The following TOX variants were observed in gnomAD, a reference collection of about 807,000 sequenced individuals.
TOX encodes the protein thymocyte selection-associated high mobility group box protein TOX.
Under a neutral mutation model 53.7 loss-of-function variants are expected in TOX, and 11 were observed. The observed-to-expected ratio is 0.20, with a 90% CI of 0.13 to 0.34. The LOEUF is 0.34. Ranked by LOEUF, TOX falls within the 10% of genes least tolerant of loss-of-function variation. The probability of loss-of-function intolerance (pLI) is 1.00; values close to 1 mark genes in which losing one functional copy is unlikely to be tolerated. For synonymous variants in TOX, 225 were observed against 245.3 expected (o/e 0.92, Z 0.77); for missense variants, 570 against 664.6 (o/e 0.86, Z 1.56).
intron 6 of TOX, among the ~76,000 whole-genome samples, chr8:58,820,894 A>G (rs891427558): frequency 3.3e-5 from 5 of 152,214 alleles, no homozygotes; most frequent in African/African-American, 1.2e-4. Flanking sequence ...CCATTGCTCT[A>G]TAGTTATACA....
At chr8:59,006,140 A>T (rs1250888995) in intron 1 of TOX, among the ~76,000 whole-genome samples, 2 of 152,242 alleles carry the variant, frequency 1.3e-5, no homozygotes, top group Non-Finnish European at 2.9e-5. Context: ...GTCAGAAAAC[A>T]AATATTCTCT....
rs12678687 is a variant in TOX at position 58,871,037 on chromosome 8, A to G, written c.412-19232T>C. Reference sequence around the variant, plus strand: ...AATCAGTAAAAAAAAGTCCTTCAATACGTAAATGGATGAACAGAGTGTGGT... The same window carrying G: ...AATCAGTAAAAAAAAGTCCTTCAATGCGTAAATGGATGAACAGAGTGTGGT... On this transcript the variant is annotated intron_variant, in intron 3 of 8. Coordinates refer to ENST00000361421, the MANE Select transcript of TOX (RefSeq NM_014729.3). Among the ~76,000 whole-genome samples, 1,658 of 152,178 alleles carry G rather than the reference A, an allele frequency of 0.011. 73 individuals are homozygous for G. In the East Asian group the frequency reaches 0.12, roughly 11 times the overall value.
At chr8:58,842,242 A>T (rs917785468) in intron 4 of TOX, among the ~76,000 whole-genome samples, 32 of 152,162 alleles carry the variant, frequency 2.1e-4, no homozygotes, top group Non-Finnish European at 4.6e-4. Context: ...GTGAGTCAGC[A>T]GACTGCGTGG....
rs1809958167 is a variant in TOX, at chr8:58,805,463, C to T, written c.*2284G>A. The T allele has an allele frequency of 6.6e-6, 1 of 152,370 alleles. No homozygotes were observed. Among genetic ancestry groups the T allele is most frequent in the South Asian group, 2.1e-4 (1 of 4,826 alleles). The allele number at this position is 152,370 out of a possible 1,614,324, so 9.4% of individuals were successfully genotyped here. The stretch of plus-strand genomic sequence containing the variant: ...TTGATGATGTGTTTTCTTTTATTTA[C>T]ATTTGTTTTTACTGTATTTGGTATT... On this transcript the variant is annotated 3_prime_UTR_variant, in exon 9 of 9. Coordinates refer to ENST00000361421, the MANE Select transcript of TOX (RefSeq NM_014729.3).
intron 1 of TOX, among the ~76,000 whole-genome samples, chr8:58,980,447 T>C (rs373865012): frequency 1.3e-5 from 2 of 152,222 alleles, no homozygotes; most frequent in African/African-American, 4.8e-5. Flanking sequence ...GTTTACACAG[T>C]GTCTTGAACC....
chr8:58,861,158 G>C (rs1487396413), intron 3 of TOX, among the ~76,000 whole-genome samples: 2 of 152,170 alleles, frequency 1.3e-5, no homozygotes, highest in African/African-American at 2.4e-5. Context: ...TGTGCAAATG[G>C]GCAACAGGCA....
At chr8:58,877,850 C>G (rs781276222) in intron 3 of TOX, among the ~76,000 whole-genome samples, 1 of 141,618 alleles carries the variant, frequency 7.1e-6, no homozygotes, top group African/African-American at 2.8e-5. Context: ...TGGAGAAAGC[C>G]TACATATTAA....
intron 1 of TOX, among the ~76,000 whole-genome samples, chr8:59,060,164 A>AATAATTG (rs1803955871): frequency 6.6e-6 from 1 of 152,196 alleles, no homozygotes; most frequent in Non-Finnish European, 1.5e-5. Context: ...CTATTTTTGT[A>AATAATTG]ATAATTGATA....
chr8:58,961,184 C>G (rs1285031595), intron 1 of TOX, among the ~76,000 whole-genome samples: 2 of 152,210 alleles, frequency 1.3e-5, no homozygotes, highest in South Asian at 2.1e-4. Context: ...ACATGAGGGT[C>G]GCTCACAGCC....
At chr8:58,859,447 A>G (rs1252557887) in intron 3 of TOX, among the ~76,000 whole-genome samples, 1 of 152,232 alleles carries the variant, frequency 6.6e-6, no homozygotes, top group Non-Finnish European at 1.5e-5. Context: ...TTCAAAAGAC[A>G]ATAGCAACAA....
intron 3 of TOX, among the ~76,000 whole-genome samples, chr8:58,861,733 G>A (rs553130179): frequency 3.9e-5 from 6 of 152,276 alleles, no homozygotes; most frequent in Admixed American, 3.9e-4. Context: ...AGCAGCATGA[G>A]CTAGCAAGAA....
chr8:58,931,512 C>G (rs767893460), intron 3 of TOX, among the ~76,000 whole-genome samples: 2 of 152,124 alleles, frequency 1.3e-5, no homozygotes, highest in Non-Finnish European at 2.9e-5. Context: ...ACAAAATAGG[C>G]TAAAATTTCC....
chr8:58,841,028 T>G (rs962461946), intron 4 of TOX, among the ~76,000 whole-genome samples: 2 of 152,236 alleles, frequency 1.3e-5, no homozygotes, highest in Non-Finnish European at 2.9e-5. Flanking sequence ...TGTTTTGCAG[T>G]AAACTCCCTT....
intron 2 of TOX, among the ~76,000 whole-genome samples, chr8:58,942,770 A>T (rs1246566748): frequency 6.6e-6 from 1 of 152,224 alleles, no homozygotes; most frequent in Non-Finnish European, 1.5e-5. Flanking sequence ...TATACAATAG[A>T]ATATGATTCA....
chr8:59,028,553 A>G (rs1481736366), intron 1 of TOX, among the ~76,000 whole-genome samples: 1 of 152,042 alleles, frequency 6.6e-6, no homozygotes, highest in Non-Finnish European at 1.5e-5. Flanking sequence ...TTAGATAGAT[A>G]GATACATGCA....
chr8:58,809,529 G>C (rs1027544983), intron 7 of TOX, among the ~76,000 whole-genome samples: 1 of 152,182 alleles, frequency 6.6e-6, no homozygotes, highest in East Asian at 1.9e-4. Context: ...TCCCACACAA[G>C]CTGTGGACAA....
At chr8:59,106,147 A>C (rs1454010540) in intron 1 of TOX, among the ~76,000 whole-genome samples, 1 of 152,188 alleles carries the variant, frequency 6.6e-6, no homozygotes, top group Non-Finnish European at 1.5e-5. Flanking sequence ...AAATTCAGAA[A>C]CAACTGTATG....
At position 58,906,337 on chromosome 8, in the gene TOX, C is replaced by T. The variant is rs567155252; in HGVS notation, c.411+32965G>A. Among the ~76,000 whole-genome samples, 20 of 152,184 alleles carry T rather than the reference C, an allele frequency of 1.3e-4. No homozygotes were observed. The East Asian group carries it at 2.7e-3, about 21-fold the overall frequency. On this transcript the variant is annotated intron_variant, in intron 3 of 8. Transcript: ENST00000361421. ...AAAAAATAAAAAATAAAAAGAGACC[C>T]GTCCAGTGGAAGGTCACAGCCAATA...
At chr8:59,000,711 G>A (rs1216265064) in intron 1 of TOX, among the ~76,000 whole-genome samples, 2 of 152,056 alleles carry the variant, frequency 1.3e-5, no homozygotes, top group African/African-American at 4.8e-5. Flanking sequence ...GAAAAATTGA[G>A]AATTGAAAAC....
Sources: gnomAD v4.1 joint callset for allele counts (sites outside exome capture counted in the v4.1 genomes callset) on GRCh38, gnomAD v4.1.1 for gene constraint, MANE v1.5 for transcripts, NCBI Gene and HGNC (gene_info 2026-07-23, HGNC 2026-07-21) for gene names.